GMDS: variants seen among roughly 807,000 people sequenced by gnomAD.
The protein encoded by GMDS is GDP-mannose 4,6 dehydratase.
A neutral mutation model predicts 49.9 loss-of-function variants in GMDS; 20 were observed. The observed-to-expected ratio is 0.40, with a 90% CI of 0.28 to 0.58. The LOEUF (loss-of-function observed/expected upper bound fraction) is 0.58, where lower values mean the gene tolerates loss of function less well. Ranked by LOEUF, GMDS falls within the 20% of genes least tolerant of loss-of-function variation. GMDS has a pLI of 0.42. For missense variants in GMDS, 362 were observed against 481.4 expected (o/e 0.75, Z 2.32); for synonymous variants, 177 against 178.6 (o/e 0.99, Z 0.07).
intron 8 of GMDS, among the ~76,000 whole-genome samples, chr6:1,737,500 A>ACACAC (rs1767039995): frequency 6.7e-6 from 1 of 148,164 alleles, no homozygotes; most frequent in African/African-American, 2.5e-5. Flanking sequence ...CACACACACA[A>ACACAC]ACACACACAC....
chr6:1,643,164 A>C (rs1040689396), intron 9 of GMDS, among the ~76,000 whole-genome samples: 9 of 152,194 alleles, frequency 5.9e-5, no homozygotes, highest in Non-Finnish European at 8.8e-5. Flanking sequence ...TGAGGTCCTC[A>C]GCCAGGTGAG....
chr6:2,075,345 T>C (rs1276447520), intron 4 of GMDS, among the ~76,000 whole-genome samples: 1 of 152,246 alleles, frequency 6.6e-6, no homozygotes, highest in South Asian at 2.1e-4. Context: ...TATGTATACA[T>C]GTGCCATGTT....
At chr6:2,224,448 A>G (rs1171147708) in intron 1 of GMDS, among the ~76,000 whole-genome samples, 8 of 152,222 alleles carry the variant, frequency 5.3e-5, no homozygotes, top group African/African-American at 1.9e-4. Flanking sequence ...TGATGTTGGA[A>G]ACTGTTTTCA....
intron 9 of GMDS, among the ~76,000 whole-genome samples, chr6:1,690,440 C>T (rs1431036864): frequency 6.6e-6 from 1 of 152,178 alleles, no homozygotes; most frequent in Non-Finnish European, 1.5e-5. Context: ...TTGCATATAG[C>T]TAGCCAGTTC....
intron 4 of GMDS, among the ~76,000 whole-genome samples, chr6:2,099,171 G>C (rs1367016645): frequency 6.6e-6 from 1 of 151,834 alleles, no homozygotes; most frequent in Non-Finnish European, 1.5e-5. Context: ...GGCCAATAAT[G>C]GTCTATTATT....
intron 4 of GMDS, among the ~76,000 whole-genome samples, chr6:2,048,985 G>T (rs890212714): frequency 3.3e-5 from 5 of 152,152 alleles, no homozygotes; most frequent in Non-Finnish European, 5.9e-5. Flanking sequence ...GACTCCACAT[G>T]GGATTCGTGC....
chr6:2,132,939 A>G (rs990598909), intron 1 of GMDS, among the ~76,000 whole-genome samples: 19 of 152,234 alleles, frequency 1.2e-4, no homozygotes, highest in Non-Finnish European at 1.8e-4. Context: ...CACTGAAATA[A>G]TAACTTCTTT....
intron 7 of GMDS, among the ~76,000 whole-genome samples, chr6:1,759,036 C>A (rs1768060404): frequency 6.6e-6 from 1 of 152,186 alleles, no homozygotes. Flanking sequence ...GATTCTCACG[C>A]CTCAGCCTCT....
chr6:1,945,444 G>A (rs1044822250), intron 6 of GMDS, among the ~76,000 whole-genome samples: 2 of 152,150 alleles, frequency 1.3e-5, no homozygotes, highest in Non-Finnish European at 2.9e-5. Flanking sequence ...GTCAGTACTA[G>A]ATGAGATGTT....
intron 1 of GMDS, among the ~76,000 whole-genome samples, chr6:2,180,331 A>G (rs1270432699): frequency 1.3e-5 from 2 of 152,366 alleles, no homozygotes; most frequent in Non-Finnish European, 2.9e-5. Context: ...AGAGAAAGGT[A>G]TATACCAGAA....
intron 9 of GMDS, among the ~76,000 whole-genome samples, chr6:1,714,402 T>TA (rs111543492): frequency 0.059 from 8,393 of 142,650 alleles, 266 homozygotes; most frequent in African/African-American, 0.1. Flanking sequence ...GCACTTACAT[T>TA]AAAAAAAAAA....
At position 2,200,587 on chromosome 6, in the gene GMDS, T is replaced by A. The variant is rs554092930; in HGVS notation, c.102+44734A>T. On this transcript the variant is annotated intron_variant, in intron 1 of 10. Coordinates refer to ENST00000380815, the MANE Select transcript of GMDS (RefSeq NM_001500.4). ...GAGCACCACATGGACATCCGAGATG[T>A]AACCATCTAGGCAGTGAGGGCAGCA... 4.2e-5 allele frequency among the ~76,000 whole-genome samples: 5 copies of A among 120,068 alleles called. No individual in the cohort carries two copies. In the East Asian group the frequency reaches 7.8e-4, roughly 19 times the overall value. The allele number at this position is 120,068 out of a possible 152,430, so 78.8% of individuals were successfully genotyped here.
At chr6:2,005,872 T>A (rs1458769793) in intron 4 of GMDS, among the ~76,000 whole-genome samples, 1 of 152,170 alleles carries the variant, frequency 6.6e-6, no homozygotes, top group African/African-American at 2.4e-5. Context: ...CTAATTCTCC[T>A]GCTACTTTTC....
At chr6:2,135,027 T>C (rs1320884542) in intron 1 of GMDS, among the ~76,000 whole-genome samples, 1 of 152,204 alleles carries the variant, frequency 6.6e-6, no homozygotes, top group Non-Finnish European at 1.5e-5. Context: ...AATCCCTTGT[T>C]CAAGGTCATA....
At chr6:1,719,637 G>C (rs964627975) in intron 9 of GMDS, among the ~76,000 whole-genome samples, 1 of 151,374 alleles carries the variant, frequency 6.6e-6, no homozygotes, top group Non-Finnish European at 1.5e-5. Flanking sequence ...AAAAAAAAGA[G>C]AGAGGGATTT....
At chr6:1,998,868 G>A (rs1289016109) in intron 4 of GMDS, among the ~76,000 whole-genome samples, 1 of 93,072 alleles carries the variant, frequency 1.1e-5, no homozygotes, top group South Asian at 3.4e-4. Context: ...AAAAATAAAG[G>A]AAAACTGTTT....
intron 7 of GMDS, among the ~76,000 whole-genome samples, chr6:1,922,138 A>T (rs1046868304): frequency 1.3e-5 from 2 of 152,200 alleles, no homozygotes; most frequent in African/African-American, 4.8e-5. Context: ...GTTTTCTAGG[A>T]AACTCCCCAG....
At chr6:1,878,221 A>T (rs1759184698) in intron 7 of GMDS, among the ~76,000 whole-genome samples, 1 of 147,888 alleles carries the variant, frequency 6.8e-6, no homozygotes, top group Admixed American at 6.9e-5. Flanking sequence ...AGGCTGAGGC[A>T]GGAGAACGGC....
chr6:1,770,202 C>T (rs1191765466), intron 7 of GMDS, among the ~76,000 whole-genome samples: 1 of 152,198 alleles, frequency 6.6e-6, no homozygotes, highest in Non-Finnish European at 1.5e-5. Flanking sequence ...GAGAACTGCA[C>T]ACATGTGTGA....
Sources: allele counts gnomAD v4.1 joint callset (sites outside exome capture counted in the v4.1 genomes callset), GRCh38; gene constraint gnomAD v4.1.1; transcripts MANE v1.5; gene names NCBI Gene and HGNC (gene_info 2026-07-23, HGNC 2026-07-21).